CSMD1: variants seen among roughly 807,000 people sequenced by gnomAD.
The protein encoded by CSMD1 is CUB and Sushi multiple domains 1.
Under a neutral mutation model 417.5 loss-of-function variants are expected in CSMD1, and 213 were observed. The observed-to-expected ratio is 0.51, with a 90% CI of 0.46 to 0.57. The LOEUF is 0.57. Ranked by LOEUF, CSMD1 falls within the 20% of genes least tolerant of loss-of-function variation. The probability of loss-of-function intolerance (pLI) is 0.00; values close to 1 mark genes in which losing one functional copy is unlikely to be tolerated. For synonymous variants in CSMD1, 2,862 were observed against 1,736.8 expected, an observed-to-expected ratio of 1.65 and a Z score of -16.11; for missense variants, 6,923 against 4,529.7, an observed-to-expected ratio of 1.53 and a Z score of -15.17.
chr8:3,886,745 C>A (rs999290418), intron 5 of CSMD1, among the ~76,000 whole-genome samples: 10 of 152,114 alleles, frequency 6.6e-5, no homozygotes, highest in Non-Finnish European at 1.2e-4. Context: ...GTCATCAGCC[C>A]TATTCTCTGC....
chr8:4,703,920 G>C (rs1463349327), intron 1 of CSMD1, among the ~76,000 whole-genome samples: 1 of 152,132 alleles, frequency 6.6e-6, no homozygotes, highest in Non-Finnish European at 1.5e-5. Context: ...CAGATCATCA[G>C]GCATTAGATT....
Position 3,754,665 on chromosome 8 carries a change from G to C in CSMD1, c.819-623C>G, listed in dbSNP as rs552322684. 4.6e-5 allele frequency among the ~76,000 whole-genome samples: 7 copies of C among 152,306 alleles called. No individual in the cohort carries two copies. In the East Asian group the frequency reaches 9.7e-4, roughly 21 times the overall value. On this transcript the variant is annotated intron_variant, in intron 5 of 69. Transcript: ENST00000635120. ...AGACAAGGTTTTGCCGTGTTGGCCA[G>C]GCTGGTCTCGAACTTGTGACCTCAG...
Position 3,407,913 on chromosome 8 carries a change from T to G in CSMD1, c.2057A>C (p.Asn686Thr). 6.2e-7 allele frequency: 1 copy of G among 1,610,368 alleles called. No homozygotes were observed. Among genetic ancestry groups the G allele is most frequent in the Non-Finnish European group, 8.5e-7 (1 of 1,177,452 alleles). The change falls in exon 14 of 70, where the codon AAC becomes ACC. Residue 686 changes from asparagine to threonine, a missense_variant. Transcript: ENST00000635120. Reference sequence around the variant, plus strand: ...GGCGTACTTACTGGTGTAAGTGATGTTGAACCCTCTGCCAGTAGTGGAATG... The same window carrying G: ...GGCGTACTTACTGGTGTAAGTGATGGTGAACCCTCTGCCAGTAGTGGAATG... ...SDHSTTGRGF[N>T]ITYTTFGQNE...
At chr8:4,726,878 A>G in intron 1 of CSMD1, among the ~76,000 whole-genome samples, 1 of 152,214 alleles carries the variant, frequency 6.6e-6, no homozygotes, top group South Asian at 2.1e-4. Flanking sequence ...AGTTTCAAAA[A>G]CATTATTAGA....
chr8:3,513,292 G>C (rs1034641197), intron 10 of CSMD1, among the ~76,000 whole-genome samples: 6 of 151,224 alleles, frequency 4.0e-5, no homozygotes, highest in African/African-American at 9.7e-5. Flanking sequence ...TATTTTCTGA[G>C]TGAAGAAATC....
chr8:3,654,497 G>C (rs1021521356), intron 7 of CSMD1, among the ~76,000 whole-genome samples: 15 of 152,098 alleles, frequency 9.9e-5, no homozygotes, highest in Non-Finnish European at 1.8e-4. Flanking sequence ...CAAGAGGAGA[G>C]ATACCTAAAT....
intron 6 of CSMD1, among the ~76,000 whole-genome samples, chr8:3,723,883 A>G (rs935149298): frequency 6.6e-6 from 1 of 152,252 alleles, no homozygotes; most frequent in Non-Finnish European, 1.5e-5. Context: ...TTTTACTATA[A>G]TAAAGTGCAA....
chr8:4,319,425 A>G (rs1799131399), intron 3 of CSMD1, among the ~76,000 whole-genome samples: 1 of 152,078 alleles, frequency 6.6e-6, no homozygotes, highest in Non-Finnish European at 1.5e-5. Context: ...TAACCAATAT[A>G]CCTACACTTC....
At chr8:4,922,223 T>C (rs1274167736) in intron 1 of CSMD1, among the ~76,000 whole-genome samples, 1 of 152,134 alleles carries the variant, frequency 6.6e-6, no homozygotes, top group East Asian at 1.9e-4. Flanking sequence ...TGTGTTTTTT[T>C]AATGTACCTT....
intron 20 of CSMD1, among the ~76,000 whole-genome samples, chr8:3,360,630 T>C (rs906554098): frequency 6.6e-6 from 1 of 152,220 alleles, no homozygotes; most frequent in Non-Finnish European, 1.5e-5. Context: ...CTAAAAGATG[T>C]GCATTATTGC....
intron 3 of CSMD1, among the ~76,000 whole-genome samples, chr8:4,406,603 CA>C (rs1361349454): frequency 6.6e-6 from 1 of 152,092 alleles, no homozygotes; most frequent in Non-Finnish European, 1.5e-5. Flanking sequence ...ACACCCACAC[CA>C]AGGAAAGTGA....
chr8:4,581,129 A>G (rs1799396900), intron 2 of CSMD1, among the ~76,000 whole-genome samples: 1 of 151,238 alleles, frequency 6.6e-6, no homozygotes, highest in East Asian at 1.9e-4. Context: ...AACGGTAGAA[A>G]GAATCTTTAG....
At chr8:4,775,674 G>T (rs114787479) in intron 1 of CSMD1, among the ~76,000 whole-genome samples, 4 of 152,106 alleles carry the variant, frequency 2.6e-5, no homozygotes, top group Non-Finnish European at 5.9e-5. Context: ...TGTTTAAGAG[G>T]AAAGACTGCT....
chr8:3,940,894 C>CT (rs895883737), intron 5 of CSMD1, among the ~76,000 whole-genome samples: 1 of 150,296 alleles, frequency 6.7e-6, no homozygotes, highest in African/African-American at 2.5e-5. Context: ...CCTTCTCCCC[C>CT]CGAGATTATG....
At chr8:4,556,324 C>G (rs1277509762) in intron 2 of CSMD1, among the ~76,000 whole-genome samples, 1 of 151,904 alleles carries the variant, frequency 6.6e-6, no homozygotes, top group East Asian at 1.9e-4. Context: ...GTATAGAATA[C>G]CTATTTTAAA....
rs187585289 is a variant in CSMD1, at chr8:4,927,582, A to T, written c.85+66750T>A. Among the ~76,000 whole-genome samples, 268 of 152,232 alleles carry T rather than the reference A, an allele frequency of 1.8e-3. 1 individual carries two copies. Among genetic ancestry groups the T allele is most frequent in the African/African-American group, 6.1e-3 (252 of 41,546 alleles). On this transcript the variant is annotated intron_variant, in intron 1 of 69. Coordinates refer to ENST00000635120, the MANE Select transcript of CSMD1 (RefSeq NM_033225.6). ...ATGTAAGAGTTATGCCTTACTAAAT[A>T]GTTCTTAGAGGTTCTTCATGGCATC...
chr8:3,801,716 C>G (rs1800469747), intron 5 of CSMD1, among the ~76,000 whole-genome samples: 4 of 152,154 alleles, frequency 2.6e-5, no homozygotes, highest in South Asian at 2.1e-4. Context: ...AATATGGAAA[C>G]AATTCAAGCA....
chr8:3,338,232 C>T (rs1053271665), intron 23 of CSMD1, among the ~76,000 whole-genome samples: 4 of 152,324 alleles, frequency 2.6e-5, no homozygotes, highest in Admixed American at 6.5e-5. Flanking sequence ...TCTCCATGTC[C>T]AGGTCACCCT....
Position 3,853,978 on chromosome 8 carries a change from T to A in CSMD1, c.819-99936A>T, listed in dbSNP as rs369651314. Among the ~76,000 whole-genome samples the A allele has an allele frequency of 3.5e-4, 50 of 141,256 alleles. No homozygotes were observed. The East Asian group carries it at 8.6e-3, about 24-fold the overall frequency. 92.7% of individuals were successfully genotyped at this position (141,256 alleles called of 152,430 possible). ...ATATATTAAATATATCATGTCAATA[T>A]ATTTATATATTTAATATATGATACA... On this transcript the variant is annotated intron_variant, in intron 5 of 69. Coordinates refer to ENST00000635120, the MANE Select transcript of CSMD1 (RefSeq NM_033225.6).
Sources: allele counts gnomAD v4.1 joint callset (sites outside exome capture counted in the v4.1 genomes callset), GRCh38; gene constraint gnomAD v4.1.1; transcripts MANE v1.5; gene names NCBI Gene and HGNC (gene_info 2026-07-23, HGNC 2026-07-21).